The following KPNB1 variants were observed in gnomAD, a reference collection of about 807,000 sequenced individuals.
KPNB1 encodes importin subunit beta-1.
KPNB1 carries 7 observed loss-of-function variants against 113.0 expected under a neutral mutation model. The ratio of observed to expected loss-of-function variants is 0.06; its 90% CI spans 0.04 to 0.12. The LOEUF (loss-of-function observed/expected upper bound fraction) is 0.12. Among genes scored for constraint, KPNB1 ranks in the 10% least tolerant of loss-of-function variants. The pLI is 1.00. For synonymous variants in KPNB1, 363 were observed against 378.6 expected, an observed-to-expected ratio of 0.96 and a Z score of 0.48; for missense variants, 400 against 1,054.8, an observed-to-expected ratio of 0.38 and a Z score of 8.60.
chr17:47,651,163 CAG>C (rs747937973), intron 2 of KPNB1: 45 of 971,658 alleles, frequency 4.6e-5, no homozygotes, highest in Non-Finnish European at 5.4e-5. Flanking sequence ...GATGAAATCA[CAG>C]GGGAAAGTTC....
intron 9 of KPNB1, among the ~76,000 whole-genome samples, chr17:47,666,515 A>G (rs1278188876): frequency 3.7e-5 from 5 of 136,126 alleles, no homozygotes; most frequent in Non-Finnish European, 7.8e-5. Context: ...TATATATTAT[A>G]TTTTATATGT....
At chr17:47,668,571 T>C (rs545585459) in intron 10 of KPNB1, among the ~76,000 whole-genome samples, 161 bp downstream of exon 10, 51 of 152,328 alleles carry the variant, frequency 3.3e-4, no homozygotes, top group African/African-American at 1.2e-3. Flanking sequence ...TCTTAGGTTT[T>C]TAATTACATA....
chr17:47,652,724 C>A lies in KPNB1; in HGVS notation c.130C>A (p.Leu44Met), dbSNP rs1390819723. ...PTFLVELSRV[L>M]ANPGNSQVAR... ...TTTCCTTGTGGAACTGTCCAGAGTGCTGGCAAATCCAGGAAACAGTCAGGT... is the reference window on the plus strand; with the variant it reads ...TTTCCTTGTGGAACTGTCCAGAGTGATGGCAAATCCAGGAAACAGTCAGGT... The change falls in exon 3 of 22, where the codon CTG becomes ATG. Residue 44 changes from leucine (L) to methionine (M), a missense_variant. Leu to Met is a conservative substitution (Grantham distance 15). Around this residue, in one of 2 missense-constraint regions of KPNB1, gnomAD observed 285 missense variants for 627.0 expected, o/e 0.45. Coordinates refer to ENST00000290158, the MANE Select transcript of KPNB1 (RefSeq NM_002265.6). 3 of 1,610,444 alleles carry A rather than the reference C, an allele frequency of 1.9e-6. No individual in the cohort carries two copies. The highest frequency in any genetic ancestry group is 2.5e-6 in the Non-Finnish European group (3 of 1,178,798).
At chr17:47,671,311 A>G (rs992074437) in intron 12 of KPNB1, among the ~76,000 whole-genome samples, 3 of 152,182 alleles carry the variant, frequency 2.0e-5, no homozygotes, top group Non-Finnish European at 4.4e-5. Context: ...GGAGAAAGAA[A>G]TGCAGATTCC....
rs2030829570 is a variant in KPNB1, at chr17:47,683,005, TTC to T, written c.*603_*604del. The T allele has an allele frequency of 6.6e-6, 1 of 151,608 alleles. No individual in the cohort carries two copies. Among genetic ancestry groups the T allele is most frequent in the South Asian group, 2.1e-4 (1 of 4,820 alleles). The allele number at this position is 151,608 out of a possible 1,614,324, so 9.4% of individuals were successfully genotyped here. On this transcript the variant is annotated 3_prime_UTR_variant, in exon 22 of 22. Transcript: ENST00000290158. ...ATTCTCAACTTCAAGTCATTGCAGTTTCTTTTTCCCAGAAAACAAGGGGTTAG... is the reference window on the plus strand; with the variant it reads ...ATTCTCAACTTCAAGTCATTGCAGTTTTTTTCCCAGAAAACAAGGGGTTAG...
chr17:47,653,879 A>G (rs191393885), intron 3 of KPNB1, among the ~76,000 whole-genome samples: 47 of 152,312 alleles, frequency 3.1e-4, no homozygotes, highest in African/African-American at 1.1e-3. Context: ...TGGAGCATGT[A>G]GAGCTGTTTC....
At position 47,680,011 on chromosome 17, in the gene KPNB1, C is replaced by A. The variant is rs376375886; in HGVS notation, c.2354-9C>A. ...CGCACCCGACCAATACCTTCTCTCT[C>A]TTTTATAGCGGATGTGATGCTGGTA... On this transcript the variant is annotated splice_polypyrimidine_tract_variant and intron_variant, in intron 19 of 21. Coordinates refer to ENST00000290158, the MANE Select transcript of KPNB1 (RefSeq NM_002265.6). 3 of 1,595,286 alleles carry A rather than the reference C, an allele frequency of 1.9e-6. No homozygotes were observed. Among genetic ancestry groups the A allele is most frequent in the Non-Finnish European group, 2.6e-6 (3 of 1,163,032 alleles).
intron 21 of KPNB1, among the ~76,000 whole-genome samples, chr17:47,680,948 A>G (rs2030752171): frequency 6.6e-6 from 1 of 152,026 alleles, no homozygotes; most frequent in Non-Finnish European, 1.5e-5. Context: ...TTTCCCCCTA[A>G]TTCTCTTCTG....
chr17:47,673,951 T>C (rs1567893840), intron 14 of KPNB1: 2 of 167,174 alleles, frequency 1.2e-5, no homozygotes, highest in African/African-American at 4.8e-5. Context: ...TCATTTGTGT[T>C]GGCAGCTTGA....
intron 3 of KPNB1, among the ~76,000 whole-genome samples, chr17:47,653,243 T>A (rs1299212014): frequency 6.6e-6 from 1 of 151,700 alleles, no homozygotes; most frequent in Non-Finnish European, 1.5e-5. Context: ...AAATTCCGAT[T>A]CGGTACTTCT....
intron 8 of KPNB1, among the ~76,000 whole-genome samples, chr17:47,664,589 C>T (rs1178104549): frequency 2.6e-5 from 4 of 152,150 alleles, no homozygotes; most frequent in Non-Finnish European, 4.4e-5. Flanking sequence ...AGTCCTAATG[C>T]AAGCCTAGGA....
chr17:47,650,476 G>A (rs1396265011), intron 2 of KPNB1, 32 bp downstream of exon 2: 3 of 1,585,612 alleles, frequency 1.9e-6, no homozygotes, highest in Non-Finnish European at 2.6e-6. Flanking sequence ...CCATCCCGCC[G>A]CGTCCCCATC....
At chr17:47,678,018 A>G in intron 17 of KPNB1, 28 bp from the exon 18 acceptor site, 1 of 1,601,194 alleles carries the variant, frequency 6.2e-7, no homozygotes, top group Non-Finnish European at 8.5e-7. Context: ...TTTTGACTTA[A>G]TTCACTTTTC....
Position 47,673,179 on chromosome 17 carries a change from G to A in KPNB1, c.1695+14G>A. ...CTTCAGATGGAGGTGAGACCTAAGA[G>A]TGCCCCTGACTATGGGTGGGAATTG... is the stretch of plus-strand genomic sequence containing the variant. On this transcript the variant is annotated intron_variant, in intron 13 of 21. Transcript: ENST00000290158. 6.2e-7 allele frequency: 1 copy of A among 1,613,620 alleles called. No individual in the cohort carries two copies. The highest frequency in any genetic ancestry group is 8.5e-7 in the Non-Finnish European group (1 of 1,179,738).
chr17:47,671,419 C>T (rs2030442943), intron 12 of KPNB1, among the ~76,000 whole-genome samples: 3 of 152,190 alleles, frequency 2.0e-5, no homozygotes, highest in Admixed American at 2.0e-4. Flanking sequence ...GAGGTTCCTT[C>T]ATTTTGCAGC....
At chr17:47,651,789 C>A (rs1040148103) in intron 2 of KPNB1, among the ~76,000 whole-genome samples, 2 of 152,110 alleles carry the variant, frequency 1.3e-5, no homozygotes, top group Admixed American at 1.3e-4. Flanking sequence ...GCTGTTTGGG[C>A]ACGGTTTTTG....
In KPNB1 at chr17:47,650,048, G is replaced by A. The variant is rs900554111; in HGVS notation, c.-197G>A. On this transcript the variant is annotated 5_prime_UTR_variant, in exon 1 of 22. Transcript: ENST00000290158. The stretch of plus-strand genomic sequence containing the variant: ...CCGCCAGCAGCCCATTTGGAGGGAG[G>A]AAGTAAGGGAAGAGGAGAGGAAGGG... The A allele has an allele frequency of 5.1e-6, 7 of 1,364,840 alleles. No individual in the cohort carries two copies. Among genetic ancestry groups the A allele is most frequent in the Non-Finnish European group, 6.6e-6 (7 of 1,064,970 alleles). 84.5% of individuals were successfully genotyped at this position (1,364,840 alleles called of 1,614,324 possible). A position where few individuals can be genotyped will look rare whatever the true frequency, so the allele number is the denominator to read the frequency against.
Position 47,674,788 on chromosome 17 carries a change from T to C in KPNB1, c.1912+6T>C. ...AGTTAGCACACTGGTGGAAGGTCGG[T>C]GAGAAATACTGTCTGGTCAGGGAAT... On this transcript the variant is annotated splice_donor_region_variant and intron_variant, in intron 15 of 21. Coordinates refer to ENST00000290158, the MANE Select transcript of KPNB1 (RefSeq NM_002265.6). 1 of 1,604,580 alleles carries C rather than the reference T, an allele frequency of 6.2e-7. No homozygotes were observed. Among genetic ancestry groups the C allele is most frequent in the Non-Finnish European group, 8.5e-7 (1 of 1,176,400 alleles).
intron 14 of KPNB1, 97 bp from the exon 15 acceptor site, chr17:47,674,541 A>G (rs537943076): frequency 1.6e-6 from 2 of 1,247,116 alleles, no homozygotes; most frequent in African/African-American, 3.0e-5. Context: ...AAATTAAAAA[A>G]TATCAAGGGA....
Sources: allele counts gnomAD v4.1 joint callset (sites outside exome capture counted in the v4.1 genomes callset), GRCh38; gene constraint gnomAD v4.1.1; regional missense constraint gnomAD v4.1.1; transcripts MANE v1.5; gene names NCBI Gene and HGNC (gene_info 2026-07-23, HGNC 2026-07-21).